Variants in PTPRT observed in about 807,000 individuals in gnomAD.
The protein encoded by PTPRT is receptor-type tyrosine-protein phosphatase T.
PTPRT carries 56 observed loss-of-function variants against 176.8 expected under a neutral mutation model. The observed-to-expected ratio is 0.32, with a 90% CI of 0.26 to 0.40. PTPRT has a LOEUF of 0.40. Ranked by LOEUF, PTPRT falls within the 10% of genes least tolerant of loss-of-function variation. The probability of loss-of-function intolerance (pLI) is 1.00; values close to 1 mark genes in which losing one functional copy is unlikely to be tolerated. For missense variants in PTPRT, 1,540 were observed against 1,908.2 expected (o/e 0.81, Z 3.60); for synonymous variants, 783 against 739.0 (o/e 1.06, Z -0.96).
the PTPRT span, among the ~76,000 whole-genome samples, chr20:42,037,376 C>T: frequency 6.6e-6 from 1 of 152,152 alleles, no homozygotes; most frequent in Admixed American, 6.6e-5. Context: ...GAGCTCAGAG[C>T]CAACACTGTA....
At chr20:43,135,219 C>T (rs112920606) in intron 1 of PTPRT, among the ~76,000 whole-genome samples, 6 of 152,260 alleles carry the variant, frequency 3.9e-5, no homozygotes, top group African/African-American at 1.4e-4. Flanking sequence ...TGCCAACTGT[C>T]GAAGTGGGGT....
intron 7 of PTPRT, among the ~76,000 whole-genome samples, chr20:42,494,560 C>T (rs997382650): frequency 4.6e-5 from 7 of 152,194 alleles, no homozygotes; most frequent in Admixed American, 4.6e-4. Context: ...AACTCCCGCC[C>T]CTCCCCCAAC....
intron 1 of PTPRT, among the ~76,000 whole-genome samples, chr20:42,942,642 G>C (rs1980630696): frequency 6.6e-6 from 1 of 152,148 alleles, no homozygotes; most frequent in South Asian, 2.1e-4. Flanking sequence ...CATAGTATGG[G>C]CGTATGATTG....
At chr20:42,411,229 G>C (rs2145737047) in intron 9 of PTPRT, among the ~76,000 whole-genome samples, 1 of 152,226 alleles carries the variant, frequency 6.6e-6, no homozygotes, top group Admixed American at 6.5e-5. Context: ...CAGATCACTT[G>C]AGGCCAAGAG....
rs1323485355 is a variant in PTPRT at position 42,411,528 on chromosome 20, AAAAAAAAAAAAAG to A, written c.1560+36679_1560+36691del. Among the ~76,000 whole-genome samples the A allele has an allele frequency of 2.7e-5, 4 of 150,912 alleles. No individual in the cohort carries two copies. In the East Asian group the frequency reaches 7.7e-4, roughly 29 times the overall value. ...GCTAAACCCTGTCTCAAAAAAAAAA[AAAAAAAAAAAAAG>A]AAAAAAGAAAAGATCAATAAAACTG... On this transcript the variant is annotated intron_variant, in intron 9 of 30. Coordinates refer to ENST00000373187, the MANE Select transcript of PTPRT (RefSeq NM_007050.6).
chr20:42,701,772 C>T (rs780082223), intron 6 of PTPRT, among the ~76,000 whole-genome samples: 7 of 152,196 alleles, frequency 4.6e-5, no homozygotes, highest in East Asian at 1.9e-4. Context: ...ACTTGGATCA[C>T]GAGCTCTGCT....
the PTPRT span, among the ~76,000 whole-genome samples, chr20:42,057,766 A>G: frequency 6.6e-6 from 1 of 151,912 alleles, no homozygotes; most frequent in African/African-American, 2.4e-5. Flanking sequence ...TTCTGTAGAG[A>G]TTGGGTCTTG....
At chr20:42,628,679 T>G (rs2074344465) in intron 7 of PTPRT, among the ~76,000 whole-genome samples, 1 of 152,148 alleles carries the variant, frequency 6.6e-6, no homozygotes, top group African/African-American at 2.4e-5. Context: ...CTCTTAATAT[T>G]CTTTATGAAT....
intron 11 of PTPRT, among the ~76,000 whole-genome samples, chr20:42,350,224 T>TGTTTTG (rs1568799331): frequency 0.011 from 278 of 25,620 alleles, 4 homozygotes; most frequent in African/African-American, 0.034. Flanking sequence ...GTTTTTTTTT[T>TGTTTTG]TTTTTTTTTT....
intron 13 of PTPRT, among the ~76,000 whole-genome samples, chr20:42,252,493 G>A (rs1470410901): frequency 6.6e-6 from 1 of 152,164 alleles, no homozygotes; most frequent in East Asian, 1.9e-4. Context: ...AAGCCTGAAT[G>A]GGGAACAGGA....
chr20:42,627,342 C>CA (rs1287161613), intron 7 of PTPRT, among the ~76,000 whole-genome samples: 31 of 151,870 alleles, frequency 2.0e-4, no homozygotes, highest in Admixed American at 5.3e-4. Context: ...GAGCTTATTG[C>CA]AGCCTCGCAC....
chr20:42,284,468 AT>A (rs1021613279), intron 12 of PTPRT, among the ~76,000 whole-genome samples: 3 of 152,048 alleles, frequency 2.0e-5, no homozygotes, highest in Admixed American at 1.3e-4. Flanking sequence ...TTTAGAAATC[AT>A]TTTTTTCTTT....
chr20:42,997,968 C>T (rs1423829409), intron 1 of PTPRT, among the ~76,000 whole-genome samples: 1 of 152,068 alleles, frequency 6.6e-6, no homozygotes, highest in African/African-American at 2.4e-5. Flanking sequence ...TGGGCAATGC[C>T]TCTTTGTGGC....
At chr20:43,170,981 T>G (rs975108282) in intron 1 of PTPRT, among the ~76,000 whole-genome samples, 3 of 152,190 alleles carry the variant, frequency 2.0e-5, no homozygotes, top group Non-Finnish European at 4.4e-5. Context: ...AAACCAGGTT[T>G]GTCCAGTTAA....
At chr20:42,505,655 T>G (rs1601148905) in intron 7 of PTPRT, among the ~76,000 whole-genome samples, 1 of 152,264 alleles carries the variant, frequency 6.6e-6, no homozygotes, top group East Asian at 1.9e-4. Flanking sequence ...CTTCAATTAT[T>G]TGTTGAAATG....
chr20:42,937,154 T>C (rs775132830), intron 1 of PTPRT, among the ~76,000 whole-genome samples: 6 of 152,202 alleles, frequency 3.9e-5, no homozygotes, highest in Non-Finnish European at 7.3e-5. Context: ...TATAGGCACA[T>C]CATAAAACTA....
chr20:42,297,948 T>A (rs754252870), intron 12 of PTPRT, among the ~76,000 whole-genome samples: 2 of 152,148 alleles, frequency 1.3e-5, no homozygotes, highest in African/African-American at 2.4e-5. Context: ...AATTCCTTTA[T>A]AGCCTGAGTG....
At chr20:42,349,624 A>G (rs2058247308) in intron 11 of PTPRT, among the ~76,000 whole-genome samples, 2 of 152,214 alleles carry the variant, frequency 1.3e-5, no homozygotes, top group Non-Finnish European at 2.9e-5. Flanking sequence ...GAATGAATGA[A>G]TGAATGGTTT....
In PTPRT at chr20:42,463,212, C is replaced by T. The variant is rs372289972; in HGVS notation, c.1450+9054G>A. Among the ~76,000 whole-genome samples, 178 of 152,130 alleles carry T rather than the reference C, an allele frequency of 1.2e-3. 1 individual carries two copies. Among genetic ancestry groups the T allele is most frequent in the African/African-American group, 4.0e-3 (166 of 41,500 alleles). ...TCTCTCTCATTGTAAAAAGACTTCT[C>T]GGCAAAAAATTCCTTTTTTTGTCTT... On this transcript the variant is annotated intron_variant, in intron 8 of 30. Coordinates refer to ENST00000373187, the MANE Select transcript of PTPRT (RefSeq NM_007050.6).
Sources: gnomAD v4.1 joint callset for allele counts (sites outside exome capture counted in the v4.1 genomes callset) on GRCh38, gnomAD v4.1.1 for gene constraint, MANE v1.5 for transcripts, NCBI Gene and HGNC (gene_info 2026-07-23, HGNC 2026-07-21) for gene names.